UBXN7: variants seen among roughly 807,000 people sequenced by gnomAD.
UBXN7 encodes the protein UBX domain-containing protein 7.
A neutral mutation model predicts 58.0 loss-of-function variants in UBXN7; 9 were observed. The observed-to-expected ratio is 0.16, with a 90% CI of 0.09 to 0.27. The LOEUF (loss-of-function observed/expected upper bound fraction) is 0.27. UBXN7 is among the 10% of genes least tolerant of loss of function. UBXN7 has a pLI of 1.00. For synonymous variants in UBXN7, 208 were observed against 205.0 expected, an observed-to-expected ratio of 1.01 and a Z score of -0.12; for missense variants, 328 against 599.6, an observed-to-expected ratio of 0.55 and a Z score of 4.73.
chr3:196,432,144 G>C (rs941548966), intron 1 of UBXN7, 183 bp downstream of exon 1: 5 of 783,674 alleles, frequency 6.4e-6, no homozygotes, highest in African/African-American at 3.4e-5. Context: ...GGGAGCGGGG[G>C]GGGGCTGTCT....
At chr3:196,358,139 G>T (rs555353614) in intron 10 of UBXN7, among the ~76,000 whole-genome samples, 74 of 152,292 alleles carry the variant, frequency 4.9e-4, no homozygotes, top group African/African-American at 1.7e-3. Context: ...GATGAACCAC[G>T]TGCGAGCTGA....
At chr3:196,357,349 C>G (rs1042116784) in intron 10 of UBXN7, among the ~76,000 whole-genome samples, 1 of 152,224 alleles carries the variant, frequency 6.6e-6, no homozygotes, top group Non-Finnish European at 1.5e-5. Context: ...ATTTCAGTAA[C>G]ACAGTCTTCA....
At chr3:196,371,579 T>C (rs1728833438) in intron 6 of UBXN7, among the ~76,000 whole-genome samples, 1 of 152,140 alleles carries the variant, frequency 6.6e-6, no homozygotes, top group African/African-American at 2.4e-5. Context: ...CTACCCGGGT[T>C]CAAGTGATTC....
At position 196,406,225 on chromosome 3, in the gene UBXN7, G is replaced by T. The variant is rs559300229; in HGVS notation, c.221+1021C>A. ...TTTTTGTATTTTTTGTAGAGACAGGGTTTTGCTATATTGCCCAAGCTGGTC... is the reference window on the plus strand; with the variant it reads ...TTTTTGTATTTTTTGTAGAGACAGGTTTTTGCTATATTGCCCAAGCTGGTC... On this transcript the variant is annotated intron_variant, in intron 2 of 10. Transcript: ENST00000296328. Among the ~76,000 whole-genome samples the T allele has an allele frequency of 2.0e-5, 3 of 151,976 alleles. No homozygotes were observed. The South Asian group carries it at 6.2e-4, about 32-fold the overall frequency.
Position 196,354,249 on chromosome 3 carries a change from A to T in UBXN7, c.*2436T>A, listed in dbSNP as rs752615606. ...ACCATGCTGTCTTTTAAATCACTTT[A>T]TATCTACTTAATCATCCCACAGTAA... is the stretch of plus-strand genomic sequence containing the variant. On this transcript the variant is annotated 3_prime_UTR_variant, in exon 11 of 11. Coordinates refer to ENST00000296328, the MANE Select transcript of UBXN7 (RefSeq NM_015562.2). The T allele has an allele frequency of 6.6e-6, 1 of 152,192 alleles. No individual in the cohort carries two copies. The highest frequency in any genetic ancestry group is 2.4e-5 in the African/African-American group (1 of 41,448). The allele number at this position is 152,192 out of a possible 1,614,324, so 9.4% of individuals were successfully genotyped here. A position where few individuals can be genotyped will look rare whatever the true frequency, so the allele number is the denominator to read the frequency against.
At chr3:196,423,437 G>T in intron 1 of UBXN7, 1 of 277,032 alleles carries the variant, frequency 3.6e-6, no homozygotes, top group South Asian at 3.0e-5. Context: ...CCAGATTGTG[G>T]CCTGGCCACT....
At chr3:196,419,133 G>A (rs1450622343) in intron 1 of UBXN7, among the ~76,000 whole-genome samples, 2 of 152,012 alleles carry the variant, frequency 1.3e-5, no homozygotes, top group Admixed American at 1.3e-4. Context: ...TGGGCCTGGT[G>A]GCGGGCGTCC....
intron 8 of UBXN7, among the ~76,000 whole-genome samples, chr3:196,366,784 G>C (rs544523126): frequency 6.6e-6 from 1 of 152,236 alleles, no homozygotes; most frequent in African/African-American, 2.4e-5. Context: ...AGCTACTTAG[G>C]AGGCTGAGGT....
intron 4 of UBXN7, 67 bp downstream of exon 4, chr3:196,393,487 G>T: frequency 6.8e-7 from 1 of 1,468,428 alleles, no homozygotes. Flanking sequence ...GGGCCTAATA[G>T]TAATCATCTT....
chr3:196,391,719 G>A, intron 5 of UBXN7, 94 bp downstream of exon 5: 2 of 907,958 alleles, frequency 2.2e-6, no homozygotes, highest in Non-Finnish European at 3.4e-6. Context: ...GGACGACAGA[G>A]CGAGACCTGC....
Position 196,362,463 on chromosome 3 carries a change from T to G in UBXN7, c.1059A>C (p.Lys353Asn), listed in dbSNP as rs1346952994. ...TCTCCTCTTTTCTATGCCCCAAATC[T>G]TTGTGGGGAGACTTTCTGGACTTGG... ...NLAKSRKSPH[K>N]DLGHRKEENR... The change falls in exon 9 of 11, where the codon AAA becomes AAC. Residue 353 changes from lysine to asparagine, a missense_variant. This residue lies in a region of UBXN7 where 66 missense variants were observed against 77.9 expected (regional missense o/e 0.85). Transcript: ENST00000296328. 6.2e-7 allele frequency: 1 copy of G among 1,614,028 alleles called. No individual in the cohort carries two copies. The highest frequency in any genetic ancestry group is 8.5e-7 in the Non-Finnish European group (1 of 1,180,030).
chr3:196,383,838 G>C (rs188148612), intron 5 of UBXN7, among the ~76,000 whole-genome samples: 1 of 152,124 alleles, frequency 6.6e-6, no homozygotes, highest in Non-Finnish European at 1.5e-5. Flanking sequence ...ATGCCCACAA[G>C]AGAAAGCAGG....
chr3:196,360,822 G>A (rs1438261272), intron 10 of UBXN7, among the ~76,000 whole-genome samples: 1 of 152,070 alleles, frequency 6.6e-6, no homozygotes, highest in Admixed American at 6.6e-5. Context: ...CCAAGAGTTT[G>A]AGACAAGACC....
intron 1 of UBXN7, among the ~76,000 whole-genome samples, chr3:196,410,315 T>C (rs1403988794): frequency 6.6e-6 from 1 of 152,228 alleles, no homozygotes; most frequent in Non-Finnish European, 1.5e-5. Flanking sequence ...GTTATCACTC[T>C]ACATTACCCT....
intron 5 of UBXN7, among the ~76,000 whole-genome samples, chr3:196,389,385 A>G (rs1224221496): frequency 6.6e-6 from 1 of 152,254 alleles, no homozygotes; most frequent in South Asian, 2.1e-4. Flanking sequence ...TTGTTTGGTC[A>G]AATTATCATC....
chr3:196,406,666 G>A (rs182181466), intron 2 of UBXN7, among the ~76,000 whole-genome samples: 5 of 151,320 alleles, frequency 3.3e-5, no homozygotes, highest in South Asian at 2.1e-4. Context: ...AGCTGGTCTC[G>A]ACCTCCTGAC....
intron 1 of UBXN7, chr3:196,431,858 GA>G: frequency 2.6e-6 from 1 of 377,656 alleles, no homozygotes; most frequent in South Asian, 1.9e-5. Flanking sequence ...CCAGAAAGGG[GA>G]AGGGCAGGCC....
chr3:196,359,050 C>T (rs984884018), intron 10 of UBXN7, among the ~76,000 whole-genome samples: 2 of 152,124 alleles, frequency 1.3e-5, no homozygotes, highest in African/African-American at 4.8e-5. Flanking sequence ...ATGCTTCCAA[C>T]GCCCTGTTTC....
At chr3:196,393,753 G>A (rs1729656178) in intron 3 of UBXN7, 134 bp from the exon 4 acceptor site, 1 of 746,082 alleles carries the variant, frequency 1.3e-6, no homozygotes, top group Non-Finnish European at 2.1e-6. Context: ...CCCTTGCACA[G>A]GGGCCGTGCT....
Sources: gnomAD v4.1 joint callset for allele counts (sites outside exome capture counted in the v4.1 genomes callset) on GRCh38, gnomAD v4.1.1 for gene constraint, gnomAD v4.1.1 regional missense constraint, MANE v1.5 for transcripts, NCBI Gene and HGNC (gene_info 2026-07-23, HGNC 2026-07-21) for gene names.